Variants in ZC3H12B observed in about 807,000 individuals in gnomAD.
The protein encoded by ZC3H12B is zinc finger CCCH-type containing 12B, also known as probable ribonuclease ZC3H12B.
Under a neutral mutation model 43.9 loss-of-function variants are expected in ZC3H12B, and 7 were observed. The observed-to-expected ratio is 0.16, with a 90% CI of 0.09 to 0.30. The LOEUF (loss-of-function observed/expected upper bound fraction) is 0.30. ZC3H12B is among the 10% of genes least tolerant of loss of function. The pLI is 1.00. For synonymous variants in ZC3H12B, 222 were observed against 241.7 expected (o/e 0.92, Z 0.76); for missense variants, 475 against 670.2 (o/e 0.71, Z 3.22).
intron 3 of ZC3H12B, among the ~76,000 whole-genome samples, chrX:65,461,249 C>G: frequency 8.9e-6 from 1 of 111,899 alleles, no homozygotes; most frequent in East Asian, 2.8e-4. Flanking sequence ...CACTTTTACA[C>G]GTTGGTGGGA....
At chrX:65,176,358 G>A in the ZC3H12B span, among the ~76,000 whole-genome samples, 3 of 111,883 alleles carry the variant, frequency 2.7e-5, no homozygotes, top group Non-Finnish European at 3.8e-5. Context: ...TCTCTGGGTA[G>A]GGCATCTCTG....
At chrX:65,127,386 C>T in the ZC3H12B span, among the ~76,000 whole-genome samples, 1 of 112,123 alleles carries the variant, frequency 8.9e-6, no homozygotes, top group Admixed American at 9.4e-5. Context: ...GATACCAGCA[C>T]CTGCTCTAGT....
At chrX:65,297,446 T>C in the ZC3H12B span, among the ~76,000 whole-genome samples, 1 of 108,688 alleles carries the variant, frequency 9.2e-6, no homozygotes, top group East Asian at 2.9e-4. Flanking sequence ...ACCAAGGAGG[T>C]GAAAGACCTC....
At chrX:65,350,951 C>T in the ZC3H12B span, among the ~76,000 whole-genome samples, 2 of 111,796 alleles carry the variant, frequency 1.8e-5, no homozygotes, top group African/African-American at 3.3e-5. Flanking sequence ...ACTTTCTTCA[C>T]AGAATTGGAA....
chrX:65,264,790 A>G, the ZC3H12B span, among the ~76,000 whole-genome samples: 1 of 111,875 alleles, frequency 8.9e-6, no homozygotes, highest in African/African-American at 3.2e-5. Flanking sequence ...ACTTTCCACC[A>G]TAGTACAGGT....
the ZC3H12B span, among the ~76,000 whole-genome samples, chrX:65,101,279 C>T: frequency 2.7e-5 from 3 of 111,807 alleles, no homozygotes; most frequent in African/African-American, 6.5e-5. Flanking sequence ...ACTAAATGCC[C>T]ACATCAGAAA....
chrX:65,211,570 A>T, the ZC3H12B span, among the ~76,000 whole-genome samples: 1 of 102,381 alleles, frequency 9.8e-6, no homozygotes, highest in Middle Eastern at 4.8e-3. Context: ...ACTTGCTCAA[A>T]GTCATACATC....
the ZC3H12B span, among the ~76,000 whole-genome samples, chrX:65,304,817 G>T: frequency 5.4e-5 from 6 of 110,898 alleles, no homozygotes; most frequent in Non-Finnish European, 7.6e-5. Flanking sequence ...GATCAATAAA[G>T]AAAAATAATA....
chrX:65,080,226 A>G, the ZC3H12B span, among the ~76,000 whole-genome samples: 1 of 108,082 alleles, frequency 9.3e-6, no homozygotes, highest in Non-Finnish European at 1.9e-5. Context: ...TATGGGATCT[A>G]GAAAATATCC....
At chrX:65,296,424 G>A in the ZC3H12B span, among the ~76,000 whole-genome samples, 1 of 110,569 alleles carries the variant, frequency 9.0e-6, no homozygotes, top group Non-Finnish European at 1.9e-5. Flanking sequence ...GGTGATGGGT[G>A]CACCAAAATC....
At chrX:65,383,262 T>C (rs372532491) in intron 2 of ZC3H12B, among the ~76,000 whole-genome samples, 1 of 111,067 alleles carries the variant, frequency 9.0e-6, no homozygotes, top group African/African-American at 3.3e-5. Context: ...GAGATATAGA[T>C]CAATGGAACA....
At chrX:65,146,709 G>T in the ZC3H12B span, among the ~76,000 whole-genome samples, 1 of 111,549 alleles carries the variant, frequency 9.0e-6, no homozygotes, top group Non-Finnish European at 1.9e-5. Context: ...TGGGAGCCAA[G>T]CTGTAGTGAT....
the ZC3H12B span, among the ~76,000 whole-genome samples, chrX:65,170,081 G>T: frequency 2.7e-5 from 3 of 111,861 alleles, no homozygotes; most frequent in Non-Finnish European, 5.6e-5. Flanking sequence ...TCATTATGAT[G>T]TTAGCTGGTT....
At chrX:65,400,219 T>A (rs978606467) in intron 3 of ZC3H12B, among the ~76,000 whole-genome samples, 3 of 112,092 alleles carry the variant, frequency 2.7e-5, no homozygotes, top group Non-Finnish European at 5.6e-5. Flanking sequence ...ATGTGGTTAT[T>A]GTTATTTTGC....
At chrX:65,370,730 G>T (rs1466658760) in intron 2 of ZC3H12B, among the ~76,000 whole-genome samples, 1 of 111,728 alleles carries the variant, frequency 9.0e-6, no homozygotes, top group Non-Finnish European at 1.9e-5. Flanking sequence ...TTGCCTTCTA[G>T]GTCATTCTCT....
chrX:65,303,367 GT>G, the ZC3H12B span, among the ~76,000 whole-genome samples: 5 of 111,247 alleles, frequency 4.5e-5, no homozygotes, highest in Admixed American at 9.6e-5. Flanking sequence ...TAAAATAAAA[GT>G]TTTTAAAATA....
intron 3 of ZC3H12B, among the ~76,000 whole-genome samples, chrX:65,450,280 G>T (rs1324983870): frequency 1.1e-5 from 1 of 94,564 alleles, no homozygotes; most frequent in East Asian, 3.3e-4. Flanking sequence ...TTCCAGCCTG[G>T]GCGACAGAGC....
intron 3 of ZC3H12B, among the ~76,000 whole-genome samples, chrX:65,430,984 A>T (rs1400214458): frequency 8.9e-6 from 1 of 111,827 alleles, no homozygotes; most frequent in Non-Finnish European, 1.9e-5. Flanking sequence ...AGTGCCATGG[A>T]CTGCAGCTGC....
chrX:65,446,648 T>C lies in ZC3H12B; in HGVS notation n.408-41998T>C, dbSNP rs766290464. Among the ~76,000 whole-genome samples, 395 of 111,827 alleles carry C rather than the reference T, an allele frequency of 3.5e-3. 3 individuals are homozygous for C. The highest frequency in any genetic ancestry group is 5.2e-3 in the Non-Finnish European group (276 of 53,141). On this transcript the variant is annotated intron_variant and non_coding_transcript_variant, in intron 3 of 5. Transcript: ENST00000617377. ...GACAGGATAGCACTGAGTTCCAATATACAGTTGCATAATCACTGTATTCAC... is the reference window on the plus strand; with the variant it reads ...GACAGGATAGCACTGAGTTCCAATACACAGTTGCATAATCACTGTATTCAC...
Sources: allele counts gnomAD v4.1 joint callset (sites outside exome capture counted in the v4.1 genomes callset), GRCh38; gene constraint gnomAD v4.1.1; transcripts MANE v1.5; gene names NCBI Gene and HGNC (gene_info 2026-07-23, HGNC 2026-07-21).